Variants in WBP2NL observed in about 807,000 individuals in gnomAD.
WBP2NL encodes WBP2 N-terminal like.
WBP2NL carries 27 observed loss-of-function variants against 23.3 expected under a neutral mutation model. The ratio of observed to expected loss-of-function variants is 1.16; its 90% CI spans 0.85 to 1.60. WBP2NL has a LOEUF of 1.60. WBP2NL is among the 40% of genes most tolerant of loss of function. The probability of loss-of-function intolerance (pLI) is 0.00; values close to 1 mark genes in which losing one functional copy is unlikely to be tolerated. For synonymous variants in WBP2NL, 151 were observed against 145.9 expected, an observed-to-expected ratio of 1.03 and a Z score of -0.25; for missense variants, 370 against 389.5, an observed-to-expected ratio of 0.95 and a Z score of 0.42.
intron 8 of WBP2NL, among the ~76,000 whole-genome samples, chr22:42,055,213 G>A (rs916093098): frequency 2.0e-5 from 3 of 152,104 alleles, no homozygotes; most frequent in Admixed American, 6.5e-5. Flanking sequence ...GTCTCGCTCT[G>A]TCGCCCAGGC....
chr22:42,026,839 T>C lies in WBP2NL; in HGVS notation c.588T>C (p.Tyr196=), dbSNP rs745615820. 5 of 1,612,894 alleles carry C rather than the reference T, an allele frequency of 3.1e-6. No homozygotes were observed. Among genetic ancestry groups the C allele is most frequent in the South Asian group, 1.1e-5 (1 of 91,006 alleles). The part of the protein sequence containing the change: ...PPGYGAPPAG[Y]GAQPVGNEGP... Reference sequence around the variant, plus strand: ...GATACGGAGCCCCACCTGCAGGATATGGAGCCCAACCCGTAGGAAATGAAG... The same window carrying C: ...GATACGGAGCCCCACCTGCAGGATACGGAGCCCAACCCGTAGGAAATGAAG... Residue 196 remains tyrosine, a synonymous_variant, in exon 6 of 6, where the codon TAT becomes TAC. Coordinates refer to ENST00000328823, the MANE Select transcript of WBP2NL (RefSeq NM_152613.3).
rs1444073642 is a variant in WBP2NL, at chr22:41,998,852, C to T, written c.34C>T (p.Arg12Cys). 2 of 1,612,496 alleles carry T rather than the reference C, an allele frequency of 1.2e-6. No homozygotes were observed. Among genetic ancestry groups the T allele is most frequent in the South Asian group, 2.2e-5 (2 of 90,938 alleles). Reference protein sequence around the residue: ...AVNQSHTENRRGALIPNGESL... With the variant: ...AVNQSHTENRCGALIPNGESL... ...GAATCAGAGCCACACCGAGAACCGC[C>T]GCGGAGCCCTCATCCCTAACGGTGA... The change falls in exon 1 of 6, where the codon CGC (arginine) becomes TGC (cysteine). Residue 12 changes from arginine to cysteine, a missense_variant. Coordinates refer to ENST00000328823, the MANE Select transcript of WBP2NL (RefSeq NM_152613.3).
At position 42,027,214 on chromosome 22, in the gene WBP2NL, A is replaced by G; in HGVS notation, c.*33A>G. 6.4e-7 allele frequency: 1 copy of G among 1,563,162 alleles called. No individual in the cohort carries two copies. The highest frequency in any genetic ancestry group is 1.2e-5 in the South Asian group (1 of 84,380). ...AGATGTAAACCTTGAAGACTCACCA[A>G]GCAAAGAGGTACCCTAAAATTGAAG... On this transcript the variant is annotated 3_prime_UTR_variant, in exon 6 of 6. Coordinates refer to ENST00000328823, the MANE Select transcript of WBP2NL (RefSeq NM_152613.3).
chr22:42,044,618 C>T (rs1038718289), intron 8 of WBP2NL, among the ~76,000 whole-genome samples: 6 of 152,056 alleles, frequency 3.9e-5, no homozygotes, highest in East Asian at 1.9e-4. Context: ...GCCTGGGCAA[C>T]GAGGGGAGAC....
intron 1 of WBP2NL, among the ~76,000 whole-genome samples, chr22:42,002,312 G>C (rs974941019): frequency 1.3e-5 from 2 of 152,192 alleles, no homozygotes; most frequent in Non-Finnish European, 2.9e-5. Flanking sequence ...GCCAGGCGTG[G>C]TGGCTCACGC....
At chr22:42,051,727 A>G (rs1312141508) in intron 8 of WBP2NL, among the ~76,000 whole-genome samples, 1 of 152,172 alleles carries the variant, frequency 6.6e-6, no homozygotes, top group Non-Finnish European at 1.5e-5. Flanking sequence ...GATTTCCCAC[A>G]GCTTTTTAAA....
chr22:42,026,376 AC>A (rs1924494478), intron 5 of WBP2NL, among the ~76,000 whole-genome samples: 1 of 151,772 alleles, frequency 6.6e-6, no homozygotes, highest in African/African-American at 2.4e-5. Context: ...ACAAAGAAAT[AC>A]ACCAAAATAG....
chr22:42,019,037 A>G (rs572941956), intron 1 of WBP2NL, among the ~76,000 whole-genome samples: 389 of 151,930 alleles, frequency 2.6e-3, no homozygotes, highest in Admixed American at 4.3e-3. Context: ...CCTGGCTAAC[A>G]GTGAAACCCC....
intron 8 of WBP2NL, among the ~76,000 whole-genome samples, chr22:42,055,847 C>T (rs1219285465): frequency 1.3e-5 from 2 of 151,832 alleles, no homozygotes; most frequent in Admixed American, 6.6e-5. Context: ...ATAGACCCTC[C>T]CCCCAACCCT....
intron 1 of WBP2NL, among the ~76,000 whole-genome samples, chr22:42,008,839 C>T (rs1331475755): frequency 6.6e-6 from 1 of 151,408 alleles, no homozygotes; most frequent in African/African-American, 2.4e-5. Context: ...AGTGCAGTGG[C>T]ACGATCTTGG....
At chr22:42,044,653 C>T (rs891689486) in intron 8 of WBP2NL, among the ~76,000 whole-genome samples, 2 of 152,028 alleles carry the variant, frequency 1.3e-5, no homozygotes, top group African/African-American at 2.4e-5. Context: ...TAATAAAAAA[C>T]TTTCACTGGA....
intron 1 of WBP2NL, chr22:42,001,965 A>G: frequency 1.6e-6 from 2 of 1,285,162 alleles, no homozygotes; most frequent in Non-Finnish European, 2.1e-6. Flanking sequence ...AGCCTCTGTG[A>G]TGTCGAAAGA....
intron 1 of WBP2NL, among the ~76,000 whole-genome samples, chr22:41,999,977 CTT>C (rs1022472596): frequency 7.9e-5 from 12 of 152,186 alleles, no homozygotes; most frequent in Non-Finnish European, 2.9e-5. Flanking sequence ...GCGCTCACCT[CTT>C]TACCCCACAC....
At chr22:42,037,840 A>T (rs1255590396), downstream of WBP2NL, among the ~76,000 whole-genome samples, 3 of 115,418 alleles carry the variant, frequency 2.6e-5, no homozygotes, top group African/African-American at 1.2e-4. Flanking sequence ...GGAGAGAGAG[A>T]GAGAGTGAGA....
downstream of WBP2NL, among the ~76,000 whole-genome samples, chr22:42,036,259 C>G (rs978837844): frequency 1.3e-5 from 2 of 152,168 alleles, no homozygotes; most frequent in African/African-American, 4.8e-5. Context: ...ACTGCAAGCT[C>G]TGCCTCCTGG....
intron 1 of WBP2NL, among the ~76,000 whole-genome samples, chr22:42,012,006 G>A (rs1462273951): frequency 6.6e-6 from 1 of 151,860 alleles, no homozygotes; most frequent in African/African-American, 2.4e-5. Context: ...CAAACTCCTG[G>A]CCTCAAGTAA....
chr22:42,000,431 TTTTTC>T (rs1433792890), intron 1 of WBP2NL, among the ~76,000 whole-genome samples: 9 of 152,286 alleles, frequency 5.9e-5, no homozygotes, highest in Admixed American at 2.0e-4. Flanking sequence ...TTTCTTTTCT[TTTTTC>T]TTTTCTTAAG....
At chr22:42,020,939 A>T (rs1923916716) in intron 4 of WBP2NL, among the ~76,000 whole-genome samples, 1 of 15,138 alleles carries the variant, frequency 6.6e-5, no homozygotes, top group South Asian at 2.1e-3. Flanking sequence ...TTTTTTTTTG[A>T]GACAGTGTCT....
intron 8 of WBP2NL, among the ~76,000 whole-genome samples, chr22:42,042,975 G>A (rs1925450492): frequency 6.8e-6 from 1 of 148,056 alleles, no homozygotes; most frequent in African/African-American, 2.5e-5. Context: ...TAAGGTAGGA[G>A]GATCCCTTGA....
Sources: allele counts gnomAD v4.1 joint callset (sites outside exome capture counted in the v4.1 genomes callset), GRCh38; gene constraint gnomAD v4.1.1; transcripts MANE v1.5; gene names NCBI Gene and HGNC (gene_info 2026-07-23, HGNC 2026-07-21).